The following KIAA1217 variants were observed in gnomAD, a reference collection of about 807,000 sequenced individuals.
KIAA1217 encodes sickle tail protein homolog.
Under a neutral mutation model 163.9 loss-of-function variants are expected in KIAA1217, and 88 were observed. The observed-to-expected ratio is 0.54, with a 90% CI of 0.45 to 0.64. The LOEUF (loss-of-function observed/expected upper bound fraction) is 0.64. Among genes scored for constraint, KIAA1217 ranks in the 30% least tolerant of loss-of-function variants. The pLI is 0.00. For synonymous variants in KIAA1217, 903 were observed against 923.1 expected, an observed-to-expected ratio of 0.98 and a Z score of 0.39; for missense variants, 2,372 against 2,475.0, an observed-to-expected ratio of 0.96 and a Z score of 0.88.
chr10:24,124,495 G>A (rs2063396759), intron 2 of KIAA1217, among the ~76,000 whole-genome samples: 1 of 151,924 alleles, frequency 6.6e-6, no homozygotes, highest in African/African-American at 2.4e-5. Context: ...TAGAAATGTT[G>A]ATAACAGGCA....
At chr10:23,792,803 C>T (rs1434782047) in intron 1 of KIAA1217, among the ~76,000 whole-genome samples, 2 of 151,954 alleles carry the variant, frequency 1.3e-5, no homozygotes, top group Non-Finnish European at 2.9e-5. Flanking sequence ...CGCCCGGTCT[C>T]TTTTTATTTT....
At chr10:24,073,457 A>T (rs2061260402) in intron 2 of KIAA1217, among the ~76,000 whole-genome samples, 1 of 152,236 alleles carries the variant, frequency 6.6e-6, no homozygotes, top group South Asian at 2.1e-4. Flanking sequence ...ATGGAGCTGA[A>T]GTGCAAGGGT....
chr10:24,226,359 G>A (rs950680805), intron 2 of KIAA1217, among the ~76,000 whole-genome samples: 2 of 152,094 alleles, frequency 1.3e-5, no homozygotes, highest in East Asian at 3.9e-4. Flanking sequence ...GGGTGCGGTG[G>A]CTCACGCCTG....
At chr10:24,004,705 C>T (rs1336161813) in intron 1 of KIAA1217, among the ~76,000 whole-genome samples, 4 of 152,238 alleles carry the variant, frequency 2.6e-5, no homozygotes, top group Non-Finnish European at 5.9e-5. Flanking sequence ...TGTCTGCCTT[C>T]TCATATACAA....
intron 1 of KIAA1217, among the ~76,000 whole-genome samples, chr10:23,946,056 A>G (rs1844026091): frequency 6.6e-6 from 1 of 152,146 alleles, no homozygotes; most frequent in Admixed American, 6.5e-5. Flanking sequence ...TTTGCCATTA[A>G]TAGTTATGGT....
At chr10:24,324,567 AAAAC>A (rs765409881) in intron 2 of KIAA1217, among the ~76,000 whole-genome samples, 4 of 152,166 alleles carry the variant, frequency 2.6e-5, no homozygotes, top group African/African-American at 4.8e-5. Context: ...ACTTCATATC[AAAAC>A]AAACAAACAA....
intron 3 of KIAA1217, among the ~76,000 whole-genome samples, chr10:24,402,522 ACAAAAC>A (rs1466483839): frequency 4.6e-4 from 36 of 79,056 alleles, no homozygotes; most frequent in South Asian, 1.4e-3. Flanking sequence ...AAAACAAAAA[ACAAAAC>A]AAAAAAAAAA....
chr10:23,727,005 T>TTTTTTTTTTTTTTTGGG (rs1838193027), intron 1 of KIAA1217, among the ~76,000 whole-genome samples: 1 of 132,756 alleles, frequency 7.5e-6, no homozygotes, highest in African/African-American at 3.3e-5. Flanking sequence ...TTTTTTTTTT[T>TTTTTTTTTTTTTTTGGG]GAGACAGAGT....
chr10:23,987,255 T>C (rs572491505), intron 1 of KIAA1217, among the ~76,000 whole-genome samples: 1 of 151,528 alleles, frequency 6.6e-6, no homozygotes, highest in African/African-American at 2.4e-5. Context: ...TGGACGCCTG[T>C]AGTCCCAGCT....
At chr10:23,730,074 T>C (rs909151017) in intron 1 of KIAA1217, among the ~76,000 whole-genome samples, 1 of 152,100 alleles carries the variant, frequency 6.6e-6, no homozygotes, top group Admixed American at 6.5e-5. Context: ...GCTAACTTTT[T>C]GTATTTTTAG....
At chr10:23,914,289 C>A (rs1330822771) in intron 1 of KIAA1217, among the ~76,000 whole-genome samples, 2 of 152,212 alleles carry the variant, frequency 1.3e-5, no homozygotes. Context: ...CCAACATGCA[C>A]AATTCCACCT....
At chr10:23,737,663 A>C (rs1838889684) in intron 1 of KIAA1217, among the ~76,000 whole-genome samples, 1 of 152,236 alleles carries the variant, frequency 6.6e-6, no homozygotes, top group Non-Finnish European at 1.5e-5. Context: ...CACATATTAA[A>C]AAAGATGAAA....
At chr10:24,069,691 T>C (rs114233880) in intron 2 of KIAA1217, among the ~76,000 whole-genome samples, 374 of 152,324 alleles carry the variant, frequency 2.5e-3, no homozygotes, top group African/African-American at 8.7e-3. Flanking sequence ...TCTAAACTAG[T>C]TCCTGGAATT....
intron 1 of KIAA1217, among the ~76,000 whole-genome samples, chr10:23,970,290 T>C (rs1448857102): frequency 2.6e-5 from 4 of 152,242 alleles, no homozygotes; most frequent in African/African-American, 9.6e-5. Context: ...TGTTCTATAA[T>C]CAAATATGAT....
At chr10:24,143,176 C>G (rs995048361) in intron 2 of KIAA1217, among the ~76,000 whole-genome samples, 8 of 152,138 alleles carry the variant, frequency 5.3e-5, no homozygotes, top group African/African-American at 1.9e-4. Flanking sequence ...AACAGGAAAG[C>G]CATTTGGGTT....
At chr10:24,317,883 A>AT (rs1297643412) in intron 2 of KIAA1217, among the ~76,000 whole-genome samples, 2 of 152,200 alleles carry the variant, frequency 1.3e-5, no homozygotes, top group Non-Finnish European at 2.9e-5. Flanking sequence ...GAAAAGATGT[A>AT]TTTTTTCATT....
intron 5 of KIAA1217, among the ~76,000 whole-genome samples, chr10:24,446,401 AAAAAGAAAAG>A (rs546171427): frequency 6.6e-6 from 1 of 152,148 alleles, no homozygotes; most frequent in Non-Finnish European, 1.5e-5. Context: ...TATCCATTAA[AAAAAGAAAAG>A]AAAAGAAAAG....
At chr10:24,207,461 G>T (rs536699391), upstream of KIAA1217, among the ~76,000 whole-genome samples, 25 of 152,256 alleles carry the variant, frequency 1.6e-4, no homozygotes, top group African/African-American at 5.8e-4. Flanking sequence ...TGCACCTAAG[G>T]AAATAATAAG....
intron 2 of KIAA1217, among the ~76,000 whole-genome samples, chr10:24,182,482 C>T (rs937654273): frequency 1.1e-5 from 1 of 90,896 alleles, no homozygotes; most frequent in South Asian, 3.7e-4. Context: ...AGACTGTGTT[C>T]TCCAAGGAGA....
Sources: gnomAD v4.1 joint callset for allele counts (sites outside exome capture counted in the v4.1 genomes callset) on GRCh38, gnomAD v4.1.1 for gene constraint, MANE v1.5 for transcripts, NCBI Gene and HGNC (gene_info 2026-07-23, HGNC 2026-07-21) for gene names.